Variants in ARHGAP6 observed in about 807,000 individuals in gnomAD.
The protein encoded by ARHGAP6 is Rho GTPase activating protein 6, also known as rho GTPase-activating protein 6.
In ARHGAP6, 16 loss-of-function variants were observed where a neutral mutation model predicts 55.7. That is an observed-to-expected ratio of 0.29 (90% CI 0.19 to 0.44). The LOEUF (loss-of-function observed/expected upper bound fraction) is 0.44, where lower values mean the gene tolerates loss of function less well. Ranked by LOEUF, ARHGAP6 falls within the 20% of genes least tolerant of loss-of-function variation. The probability of loss-of-function intolerance (pLI) is 1.00; values close to 1 mark genes in which losing one functional copy is unlikely to be tolerated. For synonymous variants in ARHGAP6, 382 were observed against 360.9 expected, an observed-to-expected ratio of 1.06 and a Z score of -0.66; for missense variants, 698 against 808.9, an observed-to-expected ratio of 0.86 and a Z score of 1.66.
intron 1 of ARHGAP6, among the ~76,000 whole-genome samples, chrX:11,459,295 A>G (rs2050221753): frequency 8.9e-6 from 1 of 111,905 alleles, no homozygotes. Flanking sequence ...GAGAAGCACT[A>G]TCTTATTTTT....
chrX:11,321,368 AAGTT>A (rs763630465), intron 1 of ARHGAP6, among the ~76,000 whole-genome samples: 1 of 111,985 alleles, frequency 8.9e-6, no homozygotes, highest in Non-Finnish European at 1.9e-5. Flanking sequence ...TTTGATGTAA[AAGTT>A]AGTATAAAAA....
At chrX:11,599,151 T>A (rs1256569669) in intron 1 of ARHGAP6, among the ~76,000 whole-genome samples, 2 of 111,769 alleles carry the variant, frequency 1.8e-5, no homozygotes, top group Non-Finnish European at 3.8e-5. Flanking sequence ...GATCTCTTCA[T>A]CCATCTGTGG....
At chrX:11,312,004 T>A (rs183687943) in intron 1 of ARHGAP6, among the ~76,000 whole-genome samples, 2 of 109,664 alleles carry the variant, frequency 1.8e-5, no homozygotes, top group Non-Finnish European at 3.8e-5. Context: ...AAAAAAAAAA[T>A]GTTTCATGCT....
chrX:11,343,208 A>G (rs767089187), intron 1 of ARHGAP6, among the ~76,000 whole-genome samples: 8 of 112,597 alleles, frequency 7.1e-5, no homozygotes, highest in Non-Finnish European at 1.1e-4. Flanking sequence ...AGAAAATATC[A>G]ACTTTCTCAT....
rs2052583785 is a variant in ARHGAP6 at position 11,651,528 on chromosome X, T to A, written c.588+12713A>T. The stretch of plus-strand genomic sequence containing the variant: ...GTGTGTATGTACCACATTTTCTTTA[T>A]CCAGTCTATCATTGACAGTCGTTTA... On this transcript the variant is annotated intron_variant, in intron 1 of 12. Transcript: ENST00000337414. 1.8e-5 allele frequency among the ~76,000 whole-genome samples: 2 copies of A among 112,441 alleles called. 1 individual carries two copies. Among genetic ancestry groups the A allele is most frequent in the South Asian group, 7.4e-4 (2 of 2,719 alleles).
chrX:11,615,682 T>G (rs2052155114), intron 1 of ARHGAP6, among the ~76,000 whole-genome samples: 1 of 112,096 alleles, frequency 8.9e-6, no homozygotes, highest in Non-Finnish European at 1.9e-5. Flanking sequence ...AAGTTAAATA[T>G]TATGAGAAAA....
intron 2 of ARHGAP6, chrX:11,221,480 CCTT>C (rs768454804): frequency 3.3e-5 from 5 of 152,203 alleles, no homozygotes; most frequent in Admixed American, 3.2e-4. Flanking sequence ...GTCTTAAATG[CCTT>C]CTTCTCATAT....
intron 1 of ARHGAP6, among the ~76,000 whole-genome samples, chrX:11,385,713 A>T (rs749428733): frequency 1.4e-4 from 16 of 112,230 alleles, no homozygotes; most frequent in Non-Finnish European, 3.0e-4. Flanking sequence ...TTTGTAAGGA[A>T]TATTTAGATG....
chrX:11,174,623 TTTTC>T (rs55966871), intron 8 of ARHGAP6, among the ~76,000 whole-genome samples: 8,553 of 46,790 alleles, frequency 0.18, 993 homozygotes, highest in Middle Eastern at 0.22. Context: ...TTTCTCTTTC[TTTTC>T]TTTCTTTCTT....
intron 1 of ARHGAP6, among the ~76,000 whole-genome samples, chrX:11,373,791 C>T (rs1213616198): frequency 9.0e-6 from 1 of 111,482 alleles, no homozygotes; most frequent in African/African-American, 3.3e-5. Flanking sequence ...AAATTTATCT[C>T]CTTTGGAGTG....
At chrX:11,613,320 T>C (rs1241646882) in intron 1 of ARHGAP6, among the ~76,000 whole-genome samples, 3 of 112,375 alleles carry the variant, frequency 2.7e-5, no homozygotes, top group African/African-American at 9.7e-5. Context: ...TTGGCCACCA[T>C]GGAAATTGAG....
At chrX:11,600,834 C>T (rs1403126537) in intron 1 of ARHGAP6, among the ~76,000 whole-genome samples, 1 of 111,951 alleles carries the variant, frequency 8.9e-6, no homozygotes, top group Non-Finnish European at 1.9e-5. Flanking sequence ...GAAGAAAGCC[C>T]GTAGCACAGC....
At chrX:11,519,901 C>T (rs1167865567) in intron 1 of ARHGAP6, among the ~76,000 whole-genome samples, 2 of 99,609 alleles carry the variant, frequency 2.0e-5, no homozygotes, top group South Asian at 9.7e-4. Flanking sequence ...AAAACCTAGG[C>T]ATTACCATTC....
At chrX:11,467,010 G>A (rs979266588) in intron 1 of ARHGAP6, among the ~76,000 whole-genome samples, 2 of 112,414 alleles carry the variant, frequency 1.8e-5, no homozygotes, top group South Asian at 3.7e-4. Context: ...CCTACAGCCA[G>A]TGCTTGCCTT....
At chrX:11,627,119 G>T (rs1385074502) in intron 1 of ARHGAP6, among the ~76,000 whole-genome samples, 1 of 111,492 alleles carries the variant, frequency 9.0e-6, no homozygotes, top group East Asian at 2.8e-4. Context: ...TTCATACAGG[G>T]TATGTTGAAA....
At chrX:11,506,232 C>T (rs986194990) in intron 1 of ARHGAP6, among the ~76,000 whole-genome samples, 3 of 111,041 alleles carry the variant, frequency 2.7e-5, no homozygotes, top group African/African-American at 9.8e-5. Flanking sequence ...CTTCCTAAGA[C>T]AGTACATAGT....
Position 11,345,956 on chromosome X carries a change from A to T in ARHGAP6, c.589-91249T>A, listed in dbSNP as rs1386026319. Reference sequence around the variant, plus strand: ...CACAAAAGTCAGAGTGAAAAGATGGACTTTTAGGCACATTTTTTTTTTTTA... The same window carrying T: ...CACAAAAGTCAGAGTGAAAAGATGGTCTTTTAGGCACATTTTTTTTTTTTA... On this transcript the variant is annotated intron_variant, in intron 1 of 12. Coordinates refer to ENST00000337414, the MANE Select transcript of ARHGAP6 (RefSeq NM_013427.3). Among the ~76,000 whole-genome samples, 3 of 106,879 alleles carry T rather than the reference A, an allele frequency of 2.8e-5. No homozygotes were observed. The East Asian group carries it at 8.5e-4, about 30-fold the overall frequency. The allele number at this position is 106,879 out of a possible 115,157, so 92.8% of individuals were successfully genotyped here. A position where few individuals can be genotyped will look rare whatever the true frequency, so the allele number is the denominator to read the frequency against.
chrX:11,351,108 A>G (rs947621595), intron 1 of ARHGAP6, among the ~76,000 whole-genome samples: 1 of 107,561 alleles, frequency 9.3e-6, no homozygotes, highest in Admixed American at 1.0e-4. Flanking sequence ...ACAGTGCACC[A>G]CCCACTTCTC....
intron 1 of ARHGAP6, among the ~76,000 whole-genome samples, chrX:11,566,974 C>T (rs1264814067): frequency 8.9e-6 from 1 of 111,932 alleles, no homozygotes; most frequent in East Asian, 2.8e-4. Context: ...AAAAGCTTTA[C>T]TCACAACAAA....
Sources: gnomAD v4.1 joint callset for allele counts (sites outside exome capture counted in the v4.1 genomes callset) on GRCh38, gnomAD v4.1.1 for gene constraint, MANE v1.5 for transcripts, NCBI Gene and HGNC (gene_info 2026-07-23, HGNC 2026-07-21) for gene names.